The following CPNE4 variants were observed in gnomAD, a reference collection of about 807,000 sequenced individuals.
CPNE4 encodes the protein copine-4.
A neutral mutation model predicts 67.9 loss-of-function variants in CPNE4; 25 were observed. The observed-to-expected ratio is 0.37, with a 90% CI of 0.27 to 0.51. CPNE4 has a LOEUF of 0.51. Ranked by LOEUF, CPNE4 falls within the 20% of genes least tolerant of loss-of-function variation. The probability of loss-of-function intolerance (pLI) is 0.93; values close to 1 mark genes in which losing one functional copy is unlikely to be tolerated. For synonymous variants in CPNE4, 242 were observed against 244.9 expected (o/e 0.99, Z 0.11); for missense variants, 464 against 690.8 (o/e 0.67, Z 3.68).
intron 10 of CPNE4, among the ~76,000 whole-genome samples, chr3:131,565,818 TA>T (rs66674789): frequency 0.24 from 30,569 of 129,672 alleles, 3,856 homozygotes; most frequent in African/African-American, 0.39. Flanking sequence ...TAAGAGTATG[TA>T]AAAAAAAAAA....
At chr3:131,864,288 A>C (rs926302738) in intron 2 of CPNE4, among the ~76,000 whole-genome samples, 1 of 151,656 alleles carries the variant, frequency 6.6e-6, no homozygotes, top group African/African-American at 2.4e-5. Flanking sequence ...TCTATAAATT[A>C]CCTTAGGCAG....
At chr3:131,988,957 C>T (rs1369066919) in intron 1 of CPNE4, among the ~76,000 whole-genome samples, 1 of 152,198 alleles carries the variant, frequency 6.6e-6, no homozygotes, top group Non-Finnish European at 1.5e-5. Flanking sequence ...CTTTTCTATG[C>T]ATTTCCCCTC....
chr3:132,007,038 CTTTATTT>C (rs1380222602), intron 1 of CPNE4, among the ~76,000 whole-genome samples: 1 of 152,092 alleles, frequency 6.6e-6, no homozygotes, highest in Non-Finnish European at 1.5e-5. Flanking sequence ...GGCTGTTATC[CTTTATTT>C]TTTGTTAATG....
intron 1 of CPNE4, among the ~76,000 whole-genome samples, chr3:131,988,828 T>C (rs1429540712): frequency 1.3e-5 from 2 of 152,212 alleles, no homozygotes; most frequent in Non-Finnish European, 1.5e-5. Context: ...TTTTCCATGG[T>C]CAGCATAGCT....
chr3:131,840,150 G>T lies in CPNE4; in HGVS notation c.180+65114C>A, dbSNP rs183516345. 3.9e-5 allele frequency among the ~76,000 whole-genome samples: 6 copies of T among 152,280 alleles called. No homozygotes were observed. The East Asian group carries it at 1.2e-3, about 29-fold the overall frequency. On this transcript the variant is annotated intron_variant, in intron 2 of 15. Transcript: ENST00000429747. Reference sequence around the variant, plus strand: ...TAGAAACATTTTAATGAAGGAGTTAGCATAGTCAGCCTTATATCTTCTACT... The same window carrying T: ...TAGAAACATTTTAATGAAGGAGTTATCATAGTCAGCCTTATATCTTCTACT...
At chr3:131,539,917 T>C (rs11925497) in intron 15 of CPNE4, among the ~76,000 whole-genome samples, 5,833 of 152,264 alleles carry the variant, frequency 0.038, 274 homozygotes, top group African/African-American at 0.11. Context: ...ACTAGCTTCA[T>C]TAATGAACAT....
At chr3:131,781,618 G>A (rs577432444) in intron 2 of CPNE4, among the ~76,000 whole-genome samples, 86 of 152,212 alleles carry the variant, frequency 5.7e-4, no homozygotes, top group African/African-American at 1.9e-3. Context: ...TGAAGTCAAA[G>A]AAAAACACCC....
At position 131,535,271 on chromosome 3, in the gene CPNE4, T is replaced by C; in HGVS notation, c.1598A>G (p.Asp533Gly). Residue 533 changes from aspartate (D) to glycine (G), a missense_variant, in exon 16 of 16, where the codon GAC (aspartate) becomes GGC (glycine). This residue lies in a region of CPNE4 where 201 missense variants were observed against 357.7 expected (regional missense o/e 0.56). Transcript: ENST00000429747. ...VLAEVPNQVV[D>G]YYNGKGIKPK... ...TTTAATTCCTTTGCCATTGTAATAG[T>C]CCACAACTTGGTTTGGGACTTCAGC... The C allele has an allele frequency of 6.2e-7, 1 of 1,613,992 alleles. No individual in the cohort carries two copies. Among genetic ancestry groups the C allele is most frequent in the Non-Finnish European group, 8.5e-7 (1 of 1,180,006 alleles).
At chr3:131,607,127 G>C (rs566098806) in intron 7 of CPNE4, among the ~76,000 whole-genome samples, 35 of 151,894 alleles carry the variant, frequency 2.3e-4, no homozygotes, top group African/African-American at 8.0e-4. Context: ...AATTATGACA[G>C]ACAGACTTTT....
intron 3 of CPNE4, among the ~76,000 whole-genome samples, chr3:131,705,486 TCTG>T (rs2081394891): frequency 6.6e-6 from 1 of 152,204 alleles, no homozygotes; most frequent in African/African-American, 2.4e-5. Flanking sequence ...ATTAATCTGT[TCTG>T]CTGATTTGGT....
At chr3:131,777,762 T>G (rs1008947356) in intron 2 of CPNE4, among the ~76,000 whole-genome samples, 1 of 152,094 alleles carries the variant, frequency 6.6e-6, no homozygotes, top group South Asian at 2.1e-4. Context: ...GAGTGGACCT[T>G]ATGAATGTAG....
chr3:131,723,060 C>T (rs1560183753), intron 3 of CPNE4, among the ~76,000 whole-genome samples: 1 of 152,172 alleles, frequency 6.6e-6, no homozygotes. Flanking sequence ...ATGAGAAATA[C>T]TTGCTGCATA....
intron 2 of CPNE4, among the ~76,000 whole-genome samples, chr3:131,759,953 G>T (rs143986911): frequency 6.6e-6 from 1 of 152,130 alleles, no homozygotes; most frequent in East Asian, 1.9e-4. Flanking sequence ...TCTGGCATCC[G>T]TTTTATAGGA....
In CPNE4 at chr3:131,898,461, T is replaced by C. The variant is rs1419619755; in HGVS notation, c.180+6803A>G. On this transcript the variant is annotated intron_variant, in intron 2 of 15. Coordinates refer to ENST00000429747, the MANE Select transcript of CPNE4 (RefSeq NM_130808.3). ...ATGTTATTCCTCTGGCTGATGAAATTATCTTCAGGGCATACAAAAGAATTA... is the reference window on the plus strand; with the variant it reads ...ATGTTATTCCTCTGGCTGATGAAATCATCTTCAGGGCATACAAAAGAATTA... Among the ~76,000 whole-genome samples the C allele has an allele frequency of 2.0e-5, 3 of 152,226 alleles. No individual in the cohort carries two copies. The East Asian group carries it at 5.8e-4, about 29-fold the overall frequency.
chr3:131,909,144 T>G (rs989457914), intron 1 of CPNE4, among the ~76,000 whole-genome samples: 2 of 152,206 alleles, frequency 1.3e-5, no homozygotes, highest in Non-Finnish European at 2.9e-5. Flanking sequence ...ACTCATCTTT[T>G]AAATCAGTTT....
rs1583095187 is a variant in CPNE4 at position 131,728,805 on chromosome 3, G to A, written c.181-5180C>T. 3.3e-5 allele frequency among the ~76,000 whole-genome samples: 5 copies of A among 151,516 alleles called. 1 individual carries two copies. In the South Asian group the frequency reaches 1.0e-3, roughly 32 times the overall value. ...GGCGCCTGTAGTCCCAGCTACTCGGGAGGCTGAGGCGGGAGAATGGCGTGA... is the reference window on the plus strand; with the variant it reads ...GGCGCCTGTAGTCCCAGCTACTCGGAAGGCTGAGGCGGGAGAATGGCGTGA... On this transcript the variant is annotated intron_variant, in intron 2 of 15. Transcript: ENST00000429747.
chr3:131,570,727 C>G (rs900525976), intron 10 of CPNE4, among the ~76,000 whole-genome samples: 1 of 151,916 alleles, frequency 6.6e-6, no homozygotes, highest in African/African-American at 2.4e-5. Flanking sequence ...CTTGACCTCC[C>G]AAAATTGCAT....
chr3:131,679,611 G>A (rs991018939), intron 6 of CPNE4, among the ~76,000 whole-genome samples: 10 of 152,266 alleles, frequency 6.6e-5, no homozygotes, highest in African/African-American at 2.2e-4. Flanking sequence ...GTGTCCCAGA[G>A]ATTGTGGTAC....
At chr3:131,955,997 T>C (rs1241965002) in intron 1 of CPNE4, among the ~76,000 whole-genome samples, 3 of 152,178 alleles carry the variant, frequency 2.0e-5, no homozygotes, top group African/African-American at 7.2e-5. Flanking sequence ...TTTAATCTCT[T>C]AGATATTAAT....
Sources: allele counts gnomAD v4.1 joint callset (sites outside exome capture counted in the v4.1 genomes callset), GRCh38; gene constraint gnomAD v4.1.1; regional missense constraint gnomAD v4.1.1; transcripts MANE v1.5; gene names NCBI Gene and HGNC (gene_info 2026-07-23, HGNC 2026-07-21).